Variants in HS3ST4 observed in about 807,000 individuals in gnomAD.
HS3ST4 encodes heparan sulfate-glucosamine 3-sulfotransferase 4.
HS3ST4 carries 17 observed loss-of-function variants against 29.2 expected under a neutral mutation model. The ratio of observed to expected loss-of-function variants is 0.58; its 90% CI spans 0.40 to 0.87. The LOEUF (loss-of-function observed/expected upper bound fraction) is 0.87, where lower values mean the gene tolerates loss of function less well. Among genes scored for constraint, HS3ST4 ranks in the 40% least tolerant of loss-of-function variants. HS3ST4 has a pLI of 0.00. For synonymous variants in HS3ST4, 314 were observed against 285.7 expected, an observed-to-expected ratio of 1.10 and a Z score of -1.00; for missense variants, 627 against 634.5, an observed-to-expected ratio of 0.99 and a Z score of 0.13.
chr16:25,742,510 G>T (rs1032527621), intron 1 of HS3ST4, among the ~76,000 whole-genome samples: 1 of 152,128 alleles, frequency 6.6e-6, no homozygotes, highest in African/African-American at 2.4e-5. Flanking sequence ...GTAAATACAG[G>T]GTAAATCCCA....
At chr16:26,054,182 A>G (rs1472622663) in intron 1 of HS3ST4, among the ~76,000 whole-genome samples, 1 of 152,172 alleles carries the variant, frequency 6.6e-6, no homozygotes, top group African/African-American at 2.4e-5. Flanking sequence ...TCCTCAGGGT[A>G]TAAACACAAC....
intron 1 of HS3ST4, among the ~76,000 whole-genome samples, chr16:25,715,391 C>G (rs1262096875): frequency 6.7e-6 from 1 of 149,540 alleles, no homozygotes; most frequent in Non-Finnish European, 1.5e-5. Flanking sequence ...CAGGCACCTA[C>G]TGGCACTGGA....
intron 1 of HS3ST4, among the ~76,000 whole-genome samples, chr16:26,063,572 C>A (rs1232699307): frequency 6.6e-6 from 1 of 151,782 alleles, no homozygotes; most frequent in Non-Finnish European, 1.5e-5. Flanking sequence ...TGGTGCACAC[C>A]TATAGTCCTA....
intron 1 of HS3ST4, among the ~76,000 whole-genome samples, chr16:25,857,919 C>CCTTCCTTCCTTTCTTTCTTTCTTTCTTT (rs1455979612): frequency 7.8e-4 from 45 of 58,052 alleles, no homozygotes; most frequent in Middle Eastern, 9.3e-3. Context: ...TTCCTTCCTT[C>CCTTCCTTCCTTTCTTTCTTTCTTTCTTT]CTTTCTTTCT....
chr16:26,127,840 G>C (rs1899365745), intron 1 of HS3ST4, among the ~76,000 whole-genome samples: 1 of 152,086 alleles, frequency 6.6e-6, no homozygotes, highest in African/African-American at 2.4e-5. Flanking sequence ...GTACCTGCCT[G>C]GCACAAACTT....
chr16:26,134,290 G>A (rs1898248901), intron 1 of HS3ST4, among the ~76,000 whole-genome samples: 1 of 151,328 alleles, frequency 6.6e-6, no homozygotes, highest in Non-Finnish European at 1.5e-5. Flanking sequence ...ACCTATGCTA[G>A]ATCTTTCATC....
chr16:26,037,972 G>A (rs377142170), intron 1 of HS3ST4, among the ~76,000 whole-genome samples: 7 of 152,236 alleles, frequency 4.6e-5, no homozygotes, highest in South Asian at 4.1e-4. Flanking sequence ...GCCACTTGCC[G>A]GGTCAAAAGC....
At chr16:25,779,272 A>G (rs1399402695) in intron 1 of HS3ST4, among the ~76,000 whole-genome samples, 2 of 152,238 alleles carry the variant, frequency 1.3e-5, no homozygotes, top group Admixed American at 6.5e-5. Flanking sequence ...AGGCTGGAAG[A>G]AAACAAAGCT....
chr16:25,800,710 TC>T (rs1212188517), intron 1 of HS3ST4, among the ~76,000 whole-genome samples: 1 of 152,108 alleles, frequency 6.6e-6, no homozygotes, highest in East Asian at 1.9e-4. Context: ...AACTTGATCT[TC>T]AGTGTGATCA....
intron 1 of HS3ST4, among the ~76,000 whole-genome samples, chr16:26,054,931 A>G (rs944013807): frequency 6.6e-6 from 1 of 152,030 alleles, no homozygotes; most frequent in African/African-American, 2.4e-5. Flanking sequence ...ACTCCTTGCT[A>G]CCTCTTTACT....
intron 1 of HS3ST4, among the ~76,000 whole-genome samples, chr16:26,099,061 G>T (rs1035757928): frequency 6.6e-6 from 1 of 152,150 alleles, no homozygotes; most frequent in African/African-American, 2.4e-5. Context: ...CACCCTATTA[G>T]GTAGGCAATA....
intron 1 of HS3ST4, among the ~76,000 whole-genome samples, chr16:25,725,765 AATATAC>A (rs1186119824): frequency 6.6e-6 from 1 of 150,578 alleles, no homozygotes; most frequent in Non-Finnish European, 1.5e-5. Context: ...AATGAATATA[AATATAC>A]ATATATACAT....
intron 1 of HS3ST4, among the ~76,000 whole-genome samples, chr16:26,103,402 G>A (rs1254920651): frequency 1.3e-5 from 2 of 152,066 alleles, no homozygotes; most frequent in Non-Finnish European, 2.9e-5. Context: ...TTCTTCTCTA[G>A]GGAAGGAAAC....
At chr16:25,837,842 C>T (rs976174858) in intron 1 of HS3ST4, among the ~76,000 whole-genome samples, 15 of 152,014 alleles carry the variant, frequency 9.9e-5, no homozygotes, top group African/African-American at 3.1e-4. Flanking sequence ...ATGGGTAAAT[C>T]GCATGTCACT....
chr16:25,863,519 AT>A (rs2141655925), intron 1 of HS3ST4, among the ~76,000 whole-genome samples: 1 of 152,298 alleles, frequency 6.6e-6, no homozygotes, highest in Non-Finnish European at 1.5e-5. Flanking sequence ...CTTGTGTATT[AT>A]TTCTGTCTCC....
intron 1 of HS3ST4, among the ~76,000 whole-genome samples, chr16:25,950,754 G>T (rs1303581734): frequency 6.6e-6 from 1 of 152,072 alleles, no homozygotes; most frequent in Non-Finnish European, 1.5e-5. Flanking sequence ...ACAGCATGTT[G>T]CATTGATCAG....
intron 1 of HS3ST4, among the ~76,000 whole-genome samples, chr16:26,069,949 G>C (rs9927797): frequency 6.6e-6 from 1 of 151,772 alleles, no homozygotes; most frequent in Non-Finnish European, 1.5e-5. Context: ...CTTAATCCAG[G>C]CTATCATTGT....
chr16:25,997,720 T>C (rs1209125084), intron 1 of HS3ST4, among the ~76,000 whole-genome samples: 3 of 152,190 alleles, frequency 2.0e-5, no homozygotes, highest in Non-Finnish European at 4.4e-5. Context: ...TAGTCAACTT[T>C]TCCCAGGAGG....
At chr16:25,855,724 A>G (rs1231161722) in intron 1 of HS3ST4, among the ~76,000 whole-genome samples, 1 of 152,068 alleles carries the variant, frequency 6.6e-6, no homozygotes, top group African/African-American at 2.4e-5. Context: ...GCTGCTCTTC[A>G]CCAAGGGGCT....
Sources: allele counts gnomAD v4.1 joint callset (sites outside exome capture counted in the v4.1 genomes callset), GRCh38; gene constraint gnomAD v4.1.1; transcripts MANE v1.5; gene names NCBI Gene and HGNC (gene_info 2026-07-23, HGNC 2026-07-21).